The following UNC5D variants were observed in gnomAD, a reference collection of about 807,000 sequenced individuals.
The protein encoded by UNC5D is netrin receptor UNC5D.
In UNC5D, 39 loss-of-function variants were observed where a neutral mutation model predicts 105.4. The ratio of observed to expected loss-of-function variants is 0.37; its 90% confidence interval spans 0.29 to 0.48. The LOEUF (loss-of-function observed/expected upper bound fraction) is 0.48. UNC5D is among the 20% of genes least tolerant of loss of function. The probability of loss-of-function intolerance (pLI) is 0.98; values close to 1 mark genes in which losing one functional copy is unlikely to be tolerated. For missense variants in UNC5D, 991 were observed against 1,202.4 expected (o/e 0.82, Z 2.60); for synonymous variants, 452 against 450.4 (o/e 1.00, Z -0.04).
intron 1 of UNC5D, among the ~76,000 whole-genome samples, chr8:35,392,223 C>T (rs964137765): frequency 6.6e-5 from 10 of 152,086 alleles, no homozygotes; most frequent in Non-Finnish European, 4.4e-5. Flanking sequence ...CTCCACTTTT[C>T]GTTTGAGTCA....
intron 1 of UNC5D, among the ~76,000 whole-genome samples, chr8:35,325,196 G>A (rs1012681059): frequency 3.9e-5 from 6 of 152,032 alleles, no homozygotes; most frequent in African/African-American, 1.4e-4. Context: ...TGGGGCTTTG[G>A]GGTTAATGGT....
At chr8:35,700,703 A>G (rs953879232) in intron 7 of UNC5D, among the ~76,000 whole-genome samples, 22 of 152,204 alleles carry the variant, frequency 1.4e-4, no homozygotes, top group African/African-American at 5.1e-4. Context: ...TAGATTTATC[A>G]GACTAGTACA....
In UNC5D at chr8:35,490,527, T is replaced by TA. The variant is rs1005899688; in HGVS notation, c.104-58754dup. Reference sequence around the variant, plus strand: ...TGACAGAGCAAGACCCTATCTCTTATAAAAAAAAAAATTAAAAAAGAATTT... The same window carrying TA: ...TGACAGAGCAAGACCCTATCTCTTATAAAAAAAAAAAATTAAAAAAGAATTT... On this transcript the variant is annotated intron_variant, in intron 1 of 16. Transcript: ENST00000404895. Among the ~76,000 whole-genome samples, 1,236 of 146,416 alleles carry TA rather than the reference T, an allele frequency of 8.4e-3. 14 individuals are homozygous for TA. Among genetic ancestry groups the TA allele is most frequent in the African/African-American group, 0.023 (902 of 40,068 alleles).
intron 1 of UNC5D, among the ~76,000 whole-genome samples, chr8:35,319,323 T>C (rs1196478299): frequency 6.6e-6 from 1 of 152,158 alleles, no homozygotes. Flanking sequence ...GCATTTTAAA[T>C]GTATGCCTCT....
At chr8:35,692,641 A>G (rs1826486026) in intron 7 of UNC5D, among the ~76,000 whole-genome samples, 3 of 152,204 alleles carry the variant, frequency 2.0e-5, no homozygotes. Flanking sequence ...GGACAAGTTC[A>G]TATTTCAAAA....
chr8:35,496,899 A>T (rs1331465790), intron 1 of UNC5D, among the ~76,000 whole-genome samples: 1 of 152,134 alleles, frequency 6.6e-6, no homozygotes, highest in African/African-American at 2.4e-5. Context: ...GGTTTCTTTC[A>T]TGCAGCATAA....
At chr8:35,418,912 G>A (rs1190611970) in intron 1 of UNC5D, among the ~76,000 whole-genome samples, 1 of 152,202 alleles carries the variant, frequency 6.6e-6, no homozygotes, top group Non-Finnish European at 1.5e-5. Context: ...ATATTTTAAT[G>A]CTTAGGTATT....
intron 10 of UNC5D, among the ~76,000 whole-genome samples, chr8:35,728,220 T>C (rs1401272105): frequency 6.6e-6 from 1 of 151,954 alleles, no homozygotes; most frequent in Admixed American, 6.6e-5. Flanking sequence ...CAGTTATTAG[T>C]TGATAAACTG....
intron 1 of UNC5D, among the ~76,000 whole-genome samples, chr8:35,281,993 A>G (rs1806219011): frequency 6.6e-6 from 1 of 152,218 alleles, no homozygotes; most frequent in Non-Finnish European, 1.5e-5. Context: ...TTTAGGCACT[A>G]AAATATCGTA....
At chr8:35,648,571 C>A (rs996700900) in intron 4 of UNC5D, among the ~76,000 whole-genome samples, 1 of 147,808 alleles carries the variant, frequency 6.8e-6, no homozygotes, top group Admixed American at 6.9e-5. Context: ...CCCAGCTATT[C>A]GGGAGGCTGA....
At chr8:35,513,068 G>A (rs1184132064) in intron 1 of UNC5D, among the ~76,000 whole-genome samples, 1 of 151,854 alleles carries the variant, frequency 6.6e-6, no homozygotes, top group Non-Finnish European at 1.5e-5. Flanking sequence ...TGCACACCTT[G>A]CAGCACACTT....
rs1212893091 is a variant in UNC5D, at chr8:35,684,734, A to C, written c.904A>C (p.Thr302Pro). ...EGMSVQKITCTSLCPVDGSWE... is the reference protein window; with the variant it reads ...EGMSVQKITCPSLCPVDGSWE... The stretch of plus-strand genomic sequence containing the variant: ...AATGTCAGTGCAGAAAATAACCTGC[A>C]CTTCTCTTTGTCCTGGTGAGATATA... The change falls in exon 6 of 17, where the codon ACT (threonine) becomes CCT (proline). Residue 302 changes from threonine to proline, a missense_variant. Thr to Pro is a conservative substitution (Grantham distance 38, BLOSUM62 -1). Around this residue, in one of 3 missense-constraint regions of UNC5D, gnomAD observed 944 missense variants for 1,131.6 expected, o/e 0.83. Transcript: ENST00000404895. 3.7e-6 allele frequency: 6 copies of C among 1,613,112 alleles called. No homozygotes were observed. The South Asian group carries it at 6.6e-5, about 18-fold the overall frequency.
At chr8:35,297,764 G>A (rs1807604186) in intron 1 of UNC5D, among the ~76,000 whole-genome samples, 1 of 147,514 alleles carries the variant, frequency 6.8e-6, no homozygotes, top group South Asian at 2.2e-4. Context: ...ACACTCAGAT[G>A]TAAGATGTTA....
intron 10 of UNC5D, chr8:35,727,175 C>G (rs985622175): frequency 1.3e-5 from 2 of 152,444 alleles, no homozygotes; most frequent in African/African-American, 4.8e-5. Context: ...GTATCCAGCC[C>G]AGATCACTTT....
chr8:35,695,710 A>ATTATTTAT lies in UNC5D; in HGVS notation c.1084+9036_1084+9043dup, dbSNP rs59029374. 4.9e-3 allele frequency among the ~76,000 whole-genome samples: 713 copies of ATTATTTAT among 146,414 alleles called. 6 individuals carry two copies. The highest frequency in any genetic ancestry group is 0.021 in the Middle Eastern group (6 of 288). The stretch of plus-strand genomic sequence containing the variant: ...CAACCTGGCCAGAAAGTATTTTTAT[A>ATTATTTAT]TTATTTATTTATTTATTTATTTATT... On this transcript the variant is annotated intron_variant, in intron 7 of 16. Transcript: ENST00000404895.
intron 2 of UNC5D, among the ~76,000 whole-genome samples, chr8:35,554,737 C>T (rs892918984): frequency 1.3e-5 from 2 of 152,160 alleles, no homozygotes; most frequent in Non-Finnish European, 2.9e-5. Context: ...AACAACACGC[C>T]GTGGCTCTTA....
At chr8:35,443,430 G>C (rs527259882) in intron 1 of UNC5D, among the ~76,000 whole-genome samples, 1 of 151,900 alleles carries the variant, frequency 6.6e-6, no homozygotes, top group East Asian at 2.0e-4. Flanking sequence ...GAAACAGTGA[G>C]AGGAGATGGG....
intron 1 of UNC5D, among the ~76,000 whole-genome samples, chr8:35,388,804 T>C (rs2128938945): frequency 6.6e-6 from 1 of 152,334 alleles, no homozygotes; most frequent in East Asian, 1.9e-4. Flanking sequence ...TTTGTCTGAT[T>C]ATTGAATTAA....
At chr8:35,367,995 C>T (rs1227373826) in intron 1 of UNC5D, among the ~76,000 whole-genome samples, 3 of 152,074 alleles carry the variant, frequency 2.0e-5, no homozygotes. Context: ...AAAGTATGCC[C>T]ATGCCTACCT....
Sources: gnomAD v4.1 joint callset for allele counts (sites outside exome capture counted in the v4.1 genomes callset) on GRCh38, gnomAD v4.1.1 for gene constraint, gnomAD v4.1.1 regional missense constraint, MANE v1.5 for transcripts, NCBI Gene and HGNC (gene_info 2026-07-23, HGNC 2026-07-21) for gene names.